SLC44A5: variants seen among roughly 807,000 people sequenced by gnomAD.
The protein encoded by SLC44A5 is solute carrier family 44 member 5.
In SLC44A5, 57 loss-of-function variants were observed where a neutral mutation model predicts 101.8. The observed-to-expected ratio is 0.56, with a 90% CI of 0.45 to 0.70. The LOEUF (loss-of-function observed/expected upper bound fraction) is 0.70. Among genes scored for constraint, SLC44A5 ranks in the 30% least tolerant of loss-of-function variants. The probability of loss-of-function intolerance (pLI) is 0.00; values close to 1 mark genes in which losing one functional copy is unlikely to be tolerated. For missense variants in SLC44A5, 737 were observed against 853.1 expected, an observed-to-expected ratio of 0.86 and a Z score of 1.70; for synonymous variants, 281 against 290.9, an observed-to-expected ratio of 0.97 and a Z score of 0.35.
intron 6 of SLC44A5, among the ~76,000 whole-genome samples, chr1:75,255,673 A>C (rs1649958668): frequency 6.6e-6 from 1 of 152,254 alleles, no homozygotes; most frequent in East Asian, 1.9e-4. Context: ...TTCAGGATTA[A>C]AGGACTTACT....
intron 2 of SLC44A5, among the ~76,000 whole-genome samples, chr1:75,424,235 A>G (rs1260528332): frequency 6.6e-6 from 1 of 152,198 alleles, no homozygotes; most frequent in African/African-American, 2.4e-5. Context: ...AGATCTGCCT[A>G]CACACCCCAC....
At chr1:75,665,178 A>C in the SLC44A5 span, among the ~76,000 whole-genome samples, 62 of 152,260 alleles carry the variant, frequency 4.1e-4, no homozygotes, top group Non-Finnish European at 7.4e-4. Flanking sequence ...AAAAAAGAAC[A>C]AAGTCAGAAG....
At chr1:75,645,653 T>C in the SLC44A5 span, among the ~76,000 whole-genome samples, 1 of 150,584 alleles carries the variant, frequency 6.6e-6, no homozygotes, top group African/African-American at 2.4e-5. Flanking sequence ...TTGTCAATTT[T>C]GGCTTTTGTT....
At chr1:75,714,737 C>T in the SLC44A5 span, among the ~76,000 whole-genome samples, 1 of 152,078 alleles carries the variant, frequency 6.6e-6, no homozygotes, top group Admixed American at 6.6e-5. Context: ...AGTGCAGTGG[C>T]GCGATCTCAG....
intron 3 of SLC44A5, among the ~76,000 whole-genome samples, chr1:75,362,882 T>G (rs1446756910): frequency 6.6e-6 from 1 of 152,100 alleles, no homozygotes; most frequent in Non-Finnish European, 1.5e-5. Context: ...TTCTTTTTGA[T>G]GTTCTATCTA....
chr1:75,573,127 C>CAAAAAA (rs745593621), intron 1 of SLC44A5, among the ~76,000 whole-genome samples: 4 of 16,716 alleles, frequency 2.4e-4, no homozygotes, highest in African/African-American at 7.4e-4. Context: ...GGCTCCATCT[C>CAAAAAA]AAAAAAAAAA....
the SLC44A5 span, among the ~76,000 whole-genome samples, chr1:75,660,427 C>T: frequency 6.6e-6 from 1 of 151,988 alleles, no homozygotes; most frequent in Non-Finnish European, 1.5e-5. Flanking sequence ...TGGAATAAGA[C>T]AAGGATGCTC....
At chr1:75,634,233 C>T in the SLC44A5 span, among the ~76,000 whole-genome samples, 1 of 152,238 alleles carries the variant, frequency 6.6e-6, no homozygotes, top group South Asian at 2.1e-4. Flanking sequence ...ATGCTGGCCT[C>T]CTCAAATGAG....
chr1:75,704,044 T>C, the SLC44A5 span, among the ~76,000 whole-genome samples: 1 of 151,842 alleles, frequency 6.6e-6, no homozygotes, highest in South Asian at 2.1e-4. Flanking sequence ...TAATTAATAA[T>C]TAAAAATAAA....
the SLC44A5 span, among the ~76,000 whole-genome samples, chr1:75,633,773 G>A: frequency 6.6e-6 from 1 of 152,036 alleles, no homozygotes; most frequent in African/African-American, 2.4e-5. Flanking sequence ...TAGGAGTGGT[G>A]AGAGAGGGCA....
chr1:75,523,479 ATT>A (rs143539892), intron 2 of SLC44A5, among the ~76,000 whole-genome samples: 18 of 145,062 alleles, frequency 1.2e-4, no homozygotes, highest in East Asian at 4.1e-4. Flanking sequence ...CGCCCAGCTA[ATT>A]TTTTTTTTTT....
At position 75,280,444 on chromosome 1, in the gene SLC44A5, T is replaced by C. The variant is rs568184315; in HGVS notation, c.176-5402A>G. Among the ~76,000 whole-genome samples, 151 of 107,512 alleles carry C rather than the reference T, an allele frequency of 1.4e-3. 21 individuals are homozygous for C. The highest frequency in any genetic ancestry group is 6.2e-3 in the African/African-American group (141 of 22,694). The allele number at this position is 107,512 out of a possible 152,430, so 70.5% of individuals were successfully genotyped here. On this transcript the variant is annotated intron_variant, in intron 5 of 23. Transcript: ENST00000370859. ...TATATATTGTATATATTATATATAG[T>C]ATATATTATATATAGTATATATAAT...
chr1:75,586,291 G>C (rs1673986589), intron 1 of SLC44A5, among the ~76,000 whole-genome samples: 1 of 151,874 alleles, frequency 6.6e-6, no homozygotes, highest in South Asian at 2.1e-4. Context: ...TCTCCAATTT[G>C]CAGACAGTAG....
intron 3 of SLC44A5, among the ~76,000 whole-genome samples, chr1:75,395,101 A>G (rs1467082660): frequency 6.6e-6 from 1 of 152,086 alleles, no homozygotes; most frequent in Non-Finnish European, 1.5e-5. Context: ...GGGCTACTTT[A>G]TATCAGAAGT....
At chr1:75,570,434 A>G (rs181281605) in intron 1 of SLC44A5, among the ~76,000 whole-genome samples, 1 of 152,300 alleles carries the variant, frequency 6.6e-6, no homozygotes, top group East Asian at 1.9e-4. Context: ...TGGTAGGTGA[A>G]AGAGGAGGGT....
At chr1:75,324,958 T>C (rs1448285518) in intron 4 of SLC44A5, among the ~76,000 whole-genome samples, 2 of 152,162 alleles carry the variant, frequency 1.3e-5, no homozygotes, top group African/African-American at 4.8e-5. Context: ...CAAGCAAATA[T>C]TTAGTGAGCA....
intron 5 of SLC44A5, among the ~76,000 whole-genome samples, chr1:75,285,067 T>C (rs1326893717): frequency 6.6e-6 from 1 of 152,056 alleles, no homozygotes; most frequent in Non-Finnish European, 1.5e-5. Context: ...TGGAATAGTG[T>C]CTATAGGATT....
In SLC44A5 at chr1:75,269,467, T is replaced by C. The variant is rs78646051; in HGVS notation, c.260+5491A>G. 6.0e-4 allele frequency among the ~76,000 whole-genome samples: 92 copies of C among 152,226 alleles called. 1 individual carries two copies. In the East Asian group the frequency reaches 0.014, roughly 23 times the overall value. ...GCTTTTGGTGTTATCTTTAGAAAAG[T>C]TTTCTTAACCCCATAATTCTATAAA... On this transcript the variant is annotated intron_variant, in intron 6 of 23. Transcript: ENST00000370859.
chr1:75,478,941 A>T (rs1404285375), intron 2 of SLC44A5, among the ~76,000 whole-genome samples: 1 of 152,220 alleles, frequency 6.6e-6, no homozygotes, highest in African/African-American at 2.4e-5. Context: ...AAATCAACAG[A>T]ATATACATTT....
Sources: gnomAD v4.1 joint callset for allele counts (sites outside exome capture counted in the v4.1 genomes callset) on GRCh38, gnomAD v4.1.1 for gene constraint, MANE v1.5 for transcripts, NCBI Gene and HGNC (gene_info 2026-07-23, HGNC 2026-07-21) for gene names.